The following DNASE1 variants were observed in gnomAD, a reference collection of about 807,000 sequenced individuals.
DNASE1 encodes deoxyribonuclease 1.
In DNASE1, 40 loss-of-function variants were observed where a neutral mutation model predicts 33.9. That is an observed-to-expected ratio of 1.18 (90% CI 0.92 to 1.54). DNASE1 has a LOEUF of 1.54. Ranked by LOEUF, DNASE1 falls within the 40% of genes most tolerant of loss-of-function variation. DNASE1 has a pLI of 0.00. For synonymous variants in DNASE1, 216 were observed against 160.0 expected (o/e 1.35, Z -2.64); for missense variants, 518 against 372.6 (o/e 1.39, Z -3.21).
upstream of DNASE1, among the ~76,000 whole-genome samples, chr16:3,650,124 A>G (rs568529054): frequency 6.6e-6 from 1 of 152,146 alleles, no homozygotes; most frequent in African/African-American, 2.4e-5. Context: ...ATTCATGGAT[A>G]TTTACTATAT....
Position 3,664,188 on chromosome 16 carries a change from C to T in DNASE1, c.*6235C>T, listed in dbSNP as rs1277140910. 3.6e-6 allele frequency: 5 copies of T among 1,381,282 alleles called. No homozygotes were observed. In the Admixed American group the frequency reaches 8.8e-5, roughly 24 times the overall value. The allele number at this position is 1,381,282 out of a possible 1,614,324, so 85.6% of individuals were successfully genotyped here. A position where few individuals can be genotyped will look rare whatever the true frequency, so the allele number is the denominator to read the frequency against. On this transcript the variant is annotated 3_prime_UTR_variant, in exon 10 of 10. Coordinates refer to the DNASE1 transcript ENST00000407479. ...GTGCAGCCCTGCCCGGAGTCTTGGG[C>T]AGGTTCACCCAGCACAGAGCTGAGA...
At chr16:3,660,600 C>T (rs1172514860), downstream of DNASE1, 1 of 152,254 alleles carries the variant, frequency 6.6e-6, no homozygotes, top group Non-Finnish European at 1.5e-5. Flanking sequence ...GAGGCACAGG[C>T]ATTCTGCATA....
chr16:3,659,540 C>T (rs534423957), downstream of DNASE1: 1 of 152,172 alleles, frequency 6.6e-6, no homozygotes, highest in East Asian at 1.9e-4. Flanking sequence ...TTTTTTTCTG[C>T]ATAGGAAAAA....
chr16:3,659,314 G>A (rs2042928432), downstream of DNASE1: 1 of 155,680 alleles, frequency 6.4e-6, no homozygotes, highest in Non-Finnish European at 1.4e-5. Flanking sequence ...TTTCACAGAA[G>A]AGGGAGGAGA....
chr16:3,662,489 G>C, downstream of DNASE1: 1 of 519,884 alleles, frequency 1.9e-6, no homozygotes, highest in Non-Finnish European at 3.5e-6. Context: ...AGACAGGTTG[G>C]TGGGGGGAGT....
At chr16:3,662,720 C>G (rs1358664795), downstream of DNASE1, 1 of 721,258 alleles carries the variant, frequency 1.4e-6, no homozygotes, top group South Asian at 1.5e-5. Flanking sequence ...CACTCCCGAG[C>G]AACACGTGCC....
chr16:3,661,928 A>G, downstream of DNASE1: 1 of 1,519,100 alleles, frequency 6.6e-7, no homozygotes, highest in Non-Finnish European at 8.8e-7. Context: ...ACAAAAGAAC[A>G]CCACACACAG....
intron 1 of DNASE1, among the ~76,000 whole-genome samples, chr16:3,617,356 A>AAAAAAAAAAAAAAAC (rs2041144810): frequency 6.7e-6 from 1 of 148,962 alleles, no homozygotes; most frequent in African/African-American, 2.5e-5. Context: ...AAAAAAAAGA[A>AAAAAAAAAAAAAAAC]TACTACAAGG....
chr16:3,624,317 G>C (rs577213927), intron 1 of DNASE1, among the ~76,000 whole-genome samples: 1 of 151,786 alleles, frequency 6.6e-6, no homozygotes, highest in Non-Finnish European at 1.5e-5. Context: ...GGTTAGCAAG[G>C]TCTTCTCTAC....
chr16:3,646,417 T>A (rs1264876348), intron 1 of DNASE1, among the ~76,000 whole-genome samples: 1 of 151,798 alleles, frequency 6.6e-6, no homozygotes, highest in African/African-American at 2.4e-5. Flanking sequence ...TAAACGAGGG[T>A]AAACAGGTGC....
At chr16:3,662,225 G>T, downstream of DNASE1, 1 of 1,480,240 alleles carries the variant, frequency 6.8e-7, no homozygotes. Flanking sequence ...CCCAGACCAC[G>T]AGGTAGCAGG....
chr16:3,639,046 T>C (rs2041956533), upstream of DNASE1, among the ~76,000 whole-genome samples: 1 of 152,232 alleles, frequency 6.6e-6, no homozygotes, highest in Non-Finnish European at 1.5e-5. Context: ...AGTTCCTTTA[T>C]CTCTGTCGTT....
At chr16:3,663,156 T>C (rs2043178326) in exon 10 of DNASE1, 1 of 658,530 alleles carries the variant, frequency 1.5e-6, no homozygotes, top group South Asian at 2.0e-5. Flanking sequence ...CCCATACAAC[T>C]TGGTTAGGGC....
At position 3,656,671 on chromosome 16, in the gene DNASE1, C is replaced by A. The variant is rs1225420789; in HGVS notation, c.354C>A (p.Tyr118Ter). The change falls in exon 5 of 9, where the codon TAC becomes TAA. Residue 118 changes from tyrosine to a stop codon, truncating the protein, a stop_gained. Coordinates refer to ENST00000246949, the MANE Select transcript of DNASE1 (RefSeq NM_005223.4). LOFTEE classifies it high-confidence loss of function. ...AGGTGTCTGCGGTGGACAGCTACTACTACGATGATGGCTGCGAGCCCTGCG... is the reference window on the plus strand; with the variant it reads ...AGGTGTCTGCGGTGGACAGCTACTAATACGATGATGGCTGCGAGCCCTGCG... The part of the protein sequence containing the change: ...PDQVSAVDSY[Y>*]YDDGCEPCGN... The A allele has an allele frequency of 6.2e-7, 1 of 1,613,210 alleles. No individual in the cohort carries two copies. The highest frequency in any genetic ancestry group is 2.2e-5 in the East Asian group (1 of 44,798).
At chr16:3,647,333 G>T (rs1484615553) in intron 1 of DNASE1, among the ~76,000 whole-genome samples, 5 of 150,846 alleles carry the variant, frequency 3.3e-5, no homozygotes, top group Admixed American at 3.3e-4. Context: ...GAGTGCAGTG[G>T]TGCAGTCATG....
upstream of DNASE1, chr16:3,654,275 A>C: frequency 2.5e-6 from 1 of 397,982 alleles, no homozygotes; most frequent in African/African-American, 2.1e-5. Context: ...TTGGCTGGCA[A>C]TTGGGGTGGG....
rs541002691 is a variant in DNASE1 at position 3,620,401 on chromosome 16, G to C, written c.-1359+8395G>C. Among the ~76,000 whole-genome samples, 289 of 151,910 alleles carry C rather than the reference G, an allele frequency of 1.9e-3. 2 individuals are homozygous for C. Among genetic ancestry groups the C allele is most frequent in the Middle Eastern group, 0.01 (3 of 294 alleles). ...TATTTAGAGACAGAGTACTCAGTGT[G>C]TCACCCAGGCTGGAGTGCAGCGTGG... On this transcript the variant is annotated intron_variant and NMD_transcript_variant, in intron 1 of 11. Transcript: ENST00000570769.
chr16:3,624,476 T>C (rs1349664839), intron 1 of DNASE1, among the ~76,000 whole-genome samples: 1 of 152,178 alleles, frequency 6.6e-6, no homozygotes, highest in African/African-American at 2.4e-5. Context: ...ACCTTCAGAA[T>C]GCCCTTGCCG....
chr16:3,658,515 T>G, downstream of DNASE1: 1 of 568,874 alleles, frequency 1.8e-6, no homozygotes. Context: ...AAACCCCATC[T>G]CTACTAAAAT....
Sources: gnomAD v4.1 joint callset for allele counts (sites outside exome capture counted in the v4.1 genomes callset) on GRCh38, gnomAD v4.1.1 for gene constraint, MANE v1.5 for transcripts, NCBI Gene and HGNC (gene_info 2026-07-23, HGNC 2026-07-21) for gene names.